The following WWC2 variants were observed in gnomAD, a reference collection of about 807,000 sequenced individuals.
WWC2 encodes the protein protein WWC2.
Under a neutral mutation model 138.5 loss-of-function variants are expected in WWC2, and 101 were observed. The observed-to-expected ratio is 0.73, with a 90% confidence interval of 0.62 to 0.86. The LOEUF is 0.86. Among genes scored for constraint, WWC2 ranks in the 40% least tolerant of loss-of-function variants. The pLI is 0.00. For missense variants in WWC2, 1,420 were observed against 1,419.4 expected (o/e 1.00, Z -0.01); for synonymous variants, 558 against 538.4 (o/e 1.04, Z -0.50).
chr4:183,263,089 T>A (rs1737384850), intron 11 of WWC2, among the ~76,000 whole-genome samples: 1 of 152,190 alleles, frequency 6.6e-6, no homozygotes, highest in African/African-American at 2.4e-5. Context: ...ACACAGTTCT[T>A]ACTGTAAACC....
intron 1 of WWC2, among the ~76,000 whole-genome samples, chr4:183,114,264 T>C (rs1041826554): frequency 1.3e-5 from 2 of 152,158 alleles, no homozygotes; most frequent in African/African-American, 4.8e-5. Flanking sequence ...AATTGTAAGC[T>C]TCCTGAAGCT....
chr4:183,231,605 A>G (rs1736249273), intron 4 of WWC2, among the ~76,000 whole-genome samples: 1 of 152,126 alleles, frequency 6.6e-6, no homozygotes, highest in Admixed American at 6.5e-5. Flanking sequence ...GCTTTTATTC[A>G]TGTTTTTAAA....
intron 16 of WWC2, among the ~76,000 whole-genome samples, chr4:183,277,137 C>A (rs184103363): frequency 1.4e-5 from 2 of 139,040 alleles, no homozygotes; most frequent in African/African-American, 2.7e-5. Flanking sequence ...TCCCTCCCCC[C>A]TCCCCACAAC....
chr4:183,317,060 C>G lies in WWC2; in HGVS notation c.*1331C>G, dbSNP rs1255837362. The G allele has an allele frequency of 6.6e-6, 1 of 151,976 alleles. No individual in the cohort carries two copies. The highest frequency in any genetic ancestry group is 2.4e-5 in the African/African-American group (1 of 41,358). The allele number at this position is 151,976 out of a possible 1,614,324, so 9.4% of individuals were successfully genotyped here. Reference sequence around the variant, plus strand: ...TAGTATTTAGGCCATTTAAACCATACTTATTACTCAATAACCCAAGAAACA... The same window carrying G: ...TAGTATTTAGGCCATTTAAACCATAGTTATTACTCAATAACCCAAGAAACA... On this transcript the variant is annotated 3_prime_UTR_variant, in exon 23 of 23. Transcript: ENST00000403733.
intron 1 of WWC2, among the ~76,000 whole-genome samples, chr4:183,118,543 C>G (rs756644568): frequency 6.6e-5 from 10 of 152,086 alleles, no homozygotes; most frequent in Non-Finnish European, 1.5e-4. Flanking sequence ...ATCTTTTGTC[C>G]TGTGTTGCTA....
chr4:183,314,751 C>G (rs1739377502), intron 22 of WWC2, among the ~76,000 whole-genome samples: 1 of 152,272 alleles, frequency 6.6e-6, no homozygotes, highest in African/African-American at 2.4e-5. Flanking sequence ...CACACCTACA[C>G]TCGTGGCATT....
chr4:183,234,683 A>C (rs1344755148), intron 4 of WWC2, among the ~76,000 whole-genome samples: 1 of 152,200 alleles, frequency 6.6e-6, no homozygotes, highest in Non-Finnish European at 1.5e-5. Flanking sequence ...GTTCTTTACC[A>C]ATAAAATGAG....
intron 1 of WWC2, among the ~76,000 whole-genome samples, chr4:183,114,083 A>G (rs1042183376): frequency 1.3e-5 from 2 of 152,072 alleles, no homozygotes; most frequent in African/African-American, 4.8e-5. Context: ...CCACTATTGT[A>G]ATTTGTAATT....
intron 19 of WWC2, 63 bp from the exon 20 acceptor site, chr4:183,285,904 C>T: frequency 6.8e-7 from 1 of 1,468,614 alleles, no homozygotes; most frequent in Non-Finnish European, 9.3e-7. Context: ...GTCTCAATCC[C>T]AAACTTCCAC....
intron 1 of WWC2, among the ~76,000 whole-genome samples, chr4:183,132,615 G>A (rs867010462): frequency 6.6e-6 from 1 of 151,704 alleles, no homozygotes; most frequent in Non-Finnish European, 1.5e-5. Context: ...TACCACGCCC[G>A]GCTAATTTTT....
At chr4:183,115,776 A>G (rs1018982535) in intron 1 of WWC2, among the ~76,000 whole-genome samples, 1 of 151,988 alleles carries the variant, frequency 6.6e-6, no homozygotes, top group African/African-American at 2.4e-5. Flanking sequence ...GTTTGCATAT[A>G]TTTTCTCCAA....
At chr4:183,132,774 T>C (rs1732968436) in intron 1 of WWC2, among the ~76,000 whole-genome samples, 1 of 151,872 alleles carries the variant, frequency 6.6e-6, no homozygotes, top group African/African-American at 2.4e-5. Flanking sequence ...TCTTTTGAGG[T>C]AATCAAATGA....
At chr4:183,215,964 A>G (rs1257323494) in intron 4 of WWC2, among the ~76,000 whole-genome samples, 3 of 152,230 alleles carry the variant, frequency 2.0e-5, no homozygotes, top group East Asian at 1.9e-4. Context: ...AAATGATTCT[A>G]TAAAGCCTAC....
intron 1 of WWC2, among the ~76,000 whole-genome samples, chr4:183,122,392 CTG>C (rs1419522472): frequency 6.6e-6 from 1 of 152,026 alleles, no homozygotes; most frequent in African/African-American, 2.4e-5. Context: ...GGATGGGTAT[CTG>C]TATTTCATAG....
At chr4:183,282,658 C>G in intron 17 of WWC2, 50 bp from the exon 18 acceptor site, 2 of 1,531,442 alleles carry the variant, frequency 1.3e-6, no homozygotes, top group South Asian at 2.4e-5. Context: ...GTTGCGTGTT[C>G]ATGGAGCATG....
rs368799794 is a variant in WWC2 at position 183,208,168 on chromosome 4, G to C, written c.445+12G>C. On this transcript the variant is annotated intron_variant, in intron 3 of 22. Transcript: ENST00000403733. ...TTCTCACACAAGCTGTAAGTACAGT[G>C]TGGCTATTCAGACTTTGGAAGTGGA... 2 of 1,612,940 alleles carry C rather than the reference G, an allele frequency of 1.2e-6. No individual in the cohort carries two copies. The highest frequency in any genetic ancestry group is 8.5e-7 in the Non-Finnish European group (1 of 1,179,424).
rs1198266336 is a variant in WWC2, at chr4:183,269,009, T to C, written c.2246T>C (p.Val749Ala). 4 of 1,613,756 alleles carry C rather than the reference T, an allele frequency of 2.5e-6. No individual in the cohort carries two copies. Among genetic ancestry groups the C allele is most frequent in the African/African-American group, 2.7e-5 (2 of 74,930 alleles). ...RVAVLPSSTD[V>A]SCLFRTKVHP... ...GCCGTTCTTCCTTCCTCAACTGATG[T>C]CAGCTGTCTGTTTCGCACAAAAGTT... The change falls in exon 15 of 23, where the codon GTC becomes GCC. Residue 749 changes from valine (V) to alanine (A), a missense_variant. Transcript: ENST00000403733.
chr4:183,289,270 C>T, intron 20 of WWC2, 123 bp from the exon 21 acceptor site: 3 of 1,420,320 alleles, frequency 2.1e-6, no homozygotes, highest in South Asian at 1.5e-5. Flanking sequence ...TGCTCCTGCC[C>T]CTTAGGCCCT....
At position 183,312,329 on chromosome 4, in the gene WWC2, T is replaced by A; in HGVS notation, c.3385-12T>A. ...TTTTGTGTGTTTCTTACATTTTTAT[T>A]CCCTTTTCCAGGCTGAACAGTCCAA... On this transcript the variant is annotated splice_polypyrimidine_tract_variant and intron_variant, in intron 21 of 22. Transcript: ENST00000403733. 1 of 1,611,774 alleles carries A rather than the reference T, an allele frequency of 6.2e-7. No individual in the cohort carries two copies. The highest frequency in any genetic ancestry group is 8.5e-7 in the Non-Finnish European group (1 of 1,178,672).
Sources: allele counts gnomAD v4.1 joint callset (sites outside exome capture counted in the v4.1 genomes callset), GRCh38; gene constraint gnomAD v4.1.1; transcripts MANE v1.5; gene names NCBI Gene and HGNC (gene_info 2026-07-23, HGNC 2026-07-21).